Variants in NRXN3 observed in about 807,000 individuals in gnomAD.
NRXN3 encodes the protein neurexin 3, also known as neurexin III.
NRXN3 carries 32 observed loss-of-function variants against 137.6 expected under a neutral mutation model. The ratio of observed to expected loss-of-function variants is 0.23; its 90% confidence interval spans 0.18 to 0.31. The LOEUF (loss-of-function observed/expected upper bound fraction) is 0.31. Ranked by LOEUF, NRXN3 falls within the 10% of genes least tolerant of loss-of-function variation. The pLI, the probability that NRXN3 is intolerant of heterozygous loss-of-function variation, is 1.00. For synonymous variants in NRXN3, 798 were observed against 784.5 expected, an observed-to-expected ratio of 1.02 and a Z score of -0.29; for missense variants, 1,574 against 2,062.5, an observed-to-expected ratio of 0.76 and a Z score of 4.59.
At chr14:78,222,958 C>A (rs374317218) in intron 1 of NRXN3, among the ~76,000 whole-genome samples, 1 of 152,224 alleles carries the variant, frequency 6.6e-6, no homozygotes, top group African/African-American at 2.4e-5. Flanking sequence ...GAAAAATTTA[C>A]AAGTTAGTAT....
chr14:79,727,274 C>T (rs977597933), intron 19 of NRXN3, among the ~76,000 whole-genome samples: 9 of 151,948 alleles, frequency 5.9e-5, no homozygotes, highest in Non-Finnish European at 7.4e-5. Flanking sequence ...GGTTGGCTTC[C>T]GGTAAATTGC....
At chr14:79,093,158 A>C (rs2049530180) in intron 15 of NRXN3, among the ~76,000 whole-genome samples, 1 of 152,204 alleles carries the variant, frequency 6.6e-6, no homozygotes, top group Non-Finnish European at 1.5e-5. Flanking sequence ...CAACTTCAAG[A>C]AAGTATGATT....
At chr14:79,711,838 A>G (rs1249164580) in intron 19 of NRXN3, among the ~76,000 whole-genome samples, 7 of 152,148 alleles carry the variant, frequency 4.6e-5, no homozygotes, top group African/African-American at 1.2e-4. Flanking sequence ...CCCATATCCA[A>G]TTAATGATGG....
intron 10 of NRXN3, among the ~76,000 whole-genome samples, chr14:78,879,806 A>G (rs1445617111): frequency 6.6e-6 from 1 of 152,150 alleles, no homozygotes; most frequent in Non-Finnish European, 1.5e-5. Context: ...TGAGCCTTAG[A>G]GTACCAGTAT....
chr14:78,531,906 T>C (rs1224703913), intron 4 of NRXN3, among the ~76,000 whole-genome samples: 1 of 152,210 alleles, frequency 6.6e-6, no homozygotes, highest in Non-Finnish European at 1.5e-5. Context: ...TGCTTTGTGA[T>C]GGTCTCCCAA....
intron 10 of NRXN3, among the ~76,000 whole-genome samples, chr14:78,938,869 T>C (rs1369143392): frequency 1.3e-5 from 2 of 149,590 alleles, no homozygotes; most frequent in Non-Finnish European, 3.0e-5. Flanking sequence ...TTTTTTGAGA[T>C]GGAGTCTCGC....
At chr14:79,377,139 T>C (rs1318440799) in intron 15 of NRXN3, among the ~76,000 whole-genome samples, 2 of 152,232 alleles carry the variant, frequency 1.3e-5, no homozygotes, top group African/African-American at 4.8e-5. Flanking sequence ...AGAAATATGA[T>C]GTTTACTTAA....
intron 4 of NRXN3, among the ~76,000 whole-genome samples, chr14:78,498,048 T>G (rs997190555): frequency 6.6e-6 from 1 of 152,190 alleles, no homozygotes; most frequent in African/African-American, 2.4e-5. Flanking sequence ...TTAAGTATTA[T>G]GGAGACGGGG....
At chr14:78,932,820 G>T (rs1012172045) in intron 10 of NRXN3, among the ~76,000 whole-genome samples, 2 of 152,006 alleles carry the variant, frequency 1.3e-5, no homozygotes, top group Non-Finnish European at 2.9e-5. Flanking sequence ...ATTTTTTATT[G>T]TTCAATGAAG....
At chr14:79,088,252 T>C (rs1441090960) in intron 15 of NRXN3, among the ~76,000 whole-genome samples, 1 of 149,786 alleles carries the variant, frequency 6.7e-6, no homozygotes, top group Non-Finnish European at 1.5e-5. Flanking sequence ...ACCTCTCTCA[T>C]TCTGCTCACC....
chr14:78,660,770 T>A (rs748329896), intron 6 of NRXN3, among the ~76,000 whole-genome samples: 19 of 152,212 alleles, frequency 1.2e-4, no homozygotes, highest in Non-Finnish European at 2.1e-4. Context: ...CTCTGTTGCC[T>A]AAACCTGTTG....
At chr14:78,432,841 G>A (rs2093938678) in intron 4 of NRXN3, among the ~76,000 whole-genome samples, 1 of 152,178 alleles carries the variant, frequency 6.6e-6, no homozygotes, top group African/African-American at 2.4e-5. Flanking sequence ...TTAGTGAAGG[G>A]CTTGCAGTCC....
At chr14:79,290,225 A>G (rs1192947510) in intron 15 of NRXN3, among the ~76,000 whole-genome samples, 1 of 152,200 alleles carries the variant, frequency 6.6e-6, no homozygotes, top group Non-Finnish European at 1.5e-5. Context: ...TATGCTTCAG[A>G]ACTGACGATA....
At chr14:78,446,703 T>G (rs922179209) in intron 4 of NRXN3, among the ~76,000 whole-genome samples, 4 of 152,232 alleles carry the variant, frequency 2.6e-5, no homozygotes, top group Admixed American at 6.5e-5. Flanking sequence ...TAAATATTGC[T>G]GATCATTAAA....
At chr14:79,056,659 T>C (rs2099664433) in intron 15 of NRXN3, among the ~76,000 whole-genome samples, 1 of 152,208 alleles carries the variant, frequency 6.6e-6, no homozygotes. Context: ...TTAGATCTTA[T>C]GAATCTAGAG....
chr14:79,115,273 C>T (rs971591650), intron 15 of NRXN3, among the ~76,000 whole-genome samples: 8 of 145,414 alleles, frequency 5.5e-5, no homozygotes, highest in South Asian at 2.2e-4. Flanking sequence ...TGCGGTCAGC[C>T]GAGATTGCGC....
rs538933772 is a variant in NRXN3 at position 79,275,542 on chromosome 14, A to T, written c.3263-191679A>T. 7.2e-5 allele frequency among the ~76,000 whole-genome samples: 11 copies of T among 152,250 alleles called. No individual in the cohort carries two copies. In the South Asian group the frequency reaches 2.3e-3, roughly 32 times the overall value. Reference sequence around the variant, plus strand: ...GTACAGTACTGTAGAAAACAAGCAGATGGACAGAGCAACTTTGCATTAGAT... The same window carrying T: ...GTACAGTACTGTAGAAAACAAGCAGTTGGACAGAGCAACTTTGCATTAGAT... On this transcript the variant is annotated intron_variant, in intron 15 of 20. Coordinates refer to ENST00000335750, the MANE Select transcript of NRXN3 (RefSeq NM_001330195.2).
At chr14:79,857,428 T>C (rs1419806794) in intron 20 of NRXN3, among the ~76,000 whole-genome samples, 2 of 152,158 alleles carry the variant, frequency 1.3e-5, no homozygotes, top group East Asian at 3.9e-4. Flanking sequence ...TTCACCGTGT[T>C]AGCCAGGATG....
intron 15 of NRXN3, among the ~76,000 whole-genome samples, chr14:79,187,869 G>A (rs567152137): frequency 6.6e-6 from 1 of 152,316 alleles, no homozygotes; most frequent in Admixed American, 6.5e-5. Flanking sequence ...CATGCCCTCT[G>A]TGTGTACCAC....
Sources: gnomAD v4.1 joint callset for allele counts (sites outside exome capture counted in the v4.1 genomes callset) on GRCh38, gnomAD v4.1.1 for gene constraint, MANE v1.5 for transcripts, NCBI Gene and HGNC (gene_info 2026-07-23, HGNC 2026-07-21) for gene names.